Variants in VSNL1 observed in about 807,000 individuals in gnomAD.
VSNL1 encodes visinin like 1, also known as visinin-like protein 1.
In VSNL1, 6 loss-of-function variants were observed where a neutral mutation model predicts 20.4. The observed-to-expected ratio is 0.29, with a 90% CI of 0.16 to 0.58. The LOEUF is 0.58. VSNL1 is among the 20% of genes least tolerant of loss of function. The probability of loss-of-function intolerance (pLI) is 0.90; values close to 1 mark genes in which losing one functional copy is unlikely to be tolerated. For missense variants in VSNL1, 100 were observed against 234.5 expected, an observed-to-expected ratio of 0.43 and a Z score of 3.75; for synonymous variants, 93 against 86.4, an observed-to-expected ratio of 1.08 and a Z score of -0.42.
At chr2:17,591,996 T>G in intron 1 of VSNL1, 74 bp from the exon 2 acceptor site, 3 of 1,576,076 alleles carry the variant, frequency 1.9e-6, no homozygotes, top group South Asian at 1.1e-5. Flanking sequence ...TGCTCAGAAC[T>G]CTAGCTTGGC....
At chr2:17,552,789 C>A (rs1663576275) in intron 1 of VSNL1, among the ~76,000 whole-genome samples, 1 of 152,078 alleles carries the variant, frequency 6.6e-6, no homozygotes, top group African/African-American at 2.4e-5. Context: ...TAAGTCTATA[C>A]ATCCCAGTTG....
At chr2:17,624,556 A>T (rs1665461433) in intron 2 of VSNL1, among the ~76,000 whole-genome samples, 1 of 152,204 alleles carries the variant, frequency 6.6e-6, no homozygotes, top group African/African-American at 2.4e-5. Context: ...AAGCGTCCTT[A>T]AAGTGAAAGA....
intron 1 of VSNL1, among the ~76,000 whole-genome samples, chr2:17,564,999 C>G (rs1663903819): frequency 6.6e-6 from 1 of 152,126 alleles, no homozygotes; most frequent in South Asian, 2.1e-4. Flanking sequence ...TTTTCCTAAA[C>G]TTAAAATGGA....
chr2:17,595,614 T>C (rs1004919198), intron 2 of VSNL1, among the ~76,000 whole-genome samples: 1 of 152,308 alleles, frequency 6.6e-6, no homozygotes, highest in South Asian at 2.1e-4. Flanking sequence ...TATGTTGAAG[T>C]CCTAACACCC....
chr2:17,540,205 G>A (rs999247704), upstream of VSNL1: 6 of 152,386 alleles, frequency 3.9e-5, no homozygotes, highest in African/African-American at 1.4e-4. Context: ...ACAGCTTGCT[G>A]GGAAGTCTTC....
intron 2 of VSNL1, among the ~76,000 whole-genome samples, chr2:17,606,621 C>CATGACCAAT (rs1664950141): frequency 6.6e-6 from 1 of 152,140 alleles, no homozygotes; most frequent in South Asian, 2.1e-4. Flanking sequence ...TAGCAGACTT[C>CATGACCAAT]ATGACCATAA....
chr2:17,654,314 T>TGA, intron 3 of VSNL1, among the ~76,000 whole-genome samples: 1 of 152,346 alleles, frequency 6.6e-6, no homozygotes, highest in South Asian at 2.1e-4. Context: ...ACTCTATTCT[T>TGA]TAACTTATAA....
intron 1 of VSNL1, among the ~76,000 whole-genome samples, chr2:17,587,162 G>A (rs1195157676): frequency 6.6e-6 from 1 of 152,038 alleles, no homozygotes; most frequent in Non-Finnish European, 1.5e-5. Context: ...CATGTGGTGG[G>A]ACTGCTCCAT....
chr2:17,638,761 T>G (rs1478086419), intron 2 of VSNL1, among the ~76,000 whole-genome samples: 1 of 152,220 alleles, frequency 6.6e-6, no homozygotes, highest in Non-Finnish European at 1.5e-5. Context: ...TGGTCCTTCT[T>G]GACCGCTGAG....
chr2:17,611,603 A>T (rs1264998865), intron 2 of VSNL1, among the ~76,000 whole-genome samples: 1 of 152,214 alleles, frequency 6.6e-6, no homozygotes, highest in Non-Finnish European at 1.5e-5. Context: ...GGAGGTTTGG[A>T]GGATTTTCCC....
rs138453299 is a variant in VSNL1 at position 17,575,696 on chromosome 2, C to T, written c.-5-16374C>T. Among the ~76,000 whole-genome samples the T allele has an allele frequency of 3.2e-3, 483 of 151,972 alleles. 4 individuals carry two copies. Among genetic ancestry groups the T allele is most frequent in the African/African-American group, 0.011 (471 of 41,468 alleles). ...AATTAGAGGCATGCGCCACCATGCC[C>T]GGCTAATTTTTTGTATTTTTAGTAG... On this transcript the variant is annotated intron_variant, in intron 1 of 3. Coordinates refer to ENST00000295156, the MANE Select transcript of VSNL1 (RefSeq NM_003385.5).
At chr2:17,637,138 AG>A (rs760095088) in intron 2 of VSNL1, among the ~76,000 whole-genome samples, 9 of 151,852 alleles carry the variant, frequency 5.9e-5, no homozygotes, top group Admixed American at 2.0e-4. Context: ...CCCTTCCCAC[AG>A]GGAAGGCTGG....
At chr2:17,600,914 T>C (rs1664807228) in intron 2 of VSNL1, among the ~76,000 whole-genome samples, 1 of 152,128 alleles carries the variant, frequency 6.6e-6, no homozygotes, top group South Asian at 2.1e-4. Context: ...CCAACAGTAT[T>C]TTATTATGGT....
chr2:17,581,082 T>A (rs1054190565), intron 1 of VSNL1, among the ~76,000 whole-genome samples: 4 of 152,204 alleles, frequency 2.6e-5, no homozygotes, highest in Non-Finnish European at 5.9e-5. Flanking sequence ...GTGACCTGCA[T>A]TTTTGACTTA....
chr2:17,584,336 G>A (rs967019011), intron 1 of VSNL1, among the ~76,000 whole-genome samples: 4 of 152,122 alleles, frequency 2.6e-5, no homozygotes, highest in Non-Finnish European at 5.9e-5. Context: ...TTGGGTCTAA[G>A]TCATGTTTCC....
intron 3 of VSNL1, among the ~76,000 whole-genome samples, chr2:17,650,617 G>C (rs1666103555): frequency 1.3e-5 from 2 of 152,238 alleles, no homozygotes; most frequent in African/African-American, 4.8e-5. Context: ...CTGGAGCTGG[G>C]GGGATGCCCC....
chr2:17,595,767 G>A (rs1324937817), intron 2 of VSNL1, among the ~76,000 whole-genome samples: 1 of 152,122 alleles, frequency 6.6e-6, no homozygotes, highest in Non-Finnish European at 1.5e-5. Flanking sequence ...CATAGGAAAG[G>A]CCACGGGAAG....
intron 2 of VSNL1, among the ~76,000 whole-genome samples, chr2:17,630,123 G>A (rs755836297): frequency 6.6e-6 from 1 of 152,172 alleles, no homozygotes; most frequent in Non-Finnish European, 1.5e-5. Context: ...TCTCAATCTC[G>A]TCCGTGTATT....
intron 2 of VSNL1, among the ~76,000 whole-genome samples, chr2:17,626,562 C>T (rs1665513289): frequency 7.1e-6 from 1 of 140,332 alleles, no homozygotes; most frequent in African/African-American, 2.5e-5. Context: ...CAACCCTTCC[C>T]ACCCACCCTG....
Sources: allele counts gnomAD v4.1 joint callset (sites outside exome capture counted in the v4.1 genomes callset), GRCh38; gene constraint gnomAD v4.1.1; transcripts MANE v1.5; gene names NCBI Gene and HGNC (gene_info 2026-07-23, HGNC 2026-07-21).